RCBTB1: variants seen among roughly 807,000 people sequenced by gnomAD.
RCBTB1 encodes the protein RCC1 and BTB domain containing protein 1.
In RCBTB1, 46 loss-of-function variants were observed where a neutral mutation model predicts 62.4. That is an observed-to-expected ratio of 0.74 (90% CI 0.58 to 0.94). RCBTB1 has a LOEUF of 0.94. Ranked by LOEUF, RCBTB1 falls within the 40% of genes least tolerant of loss-of-function variation. The pLI, the probability that RCBTB1 is intolerant of heterozygous loss-of-function variation, is 0.00. For synonymous variants in RCBTB1, 222 were observed against 245.8 expected, an observed-to-expected ratio of 0.90 and a Z score of 0.91; for missense variants, 565 against 654.9, an observed-to-expected ratio of 0.86 and a Z score of 1.50.
intron 5 of RCBTB1, among the ~76,000 whole-genome samples, chr13:49,558,716 A>AAAAAAAAC: frequency 6.6e-6 from 1 of 151,530 alleles, no homozygotes; most frequent in African/African-American, 2.4e-5. Context: ...AAAAAAAAAA[A>AAAAAAAAC]ATTCACAAAG....
intron 10 of RCBTB1, among the ~76,000 whole-genome samples, chr13:49,543,353 T>C (rs573307461): frequency 1.1e-4 from 16 of 152,150 alleles, no homozygotes; most frequent in Non-Finnish European, 4.4e-5. Flanking sequence ...AAGAAATAGT[T>C]GTCTAAGAAA....
intron 9 of RCBTB1, among the ~76,000 whole-genome samples, chr13:49,545,724 G>C (rs1453963999): frequency 6.6e-6 from 1 of 152,114 alleles, no homozygotes; most frequent in Non-Finnish European, 1.5e-5. Flanking sequence ...ATGGATACAC[G>C]AAGCAGGTTT....
chr13:49,549,005 T>C lies in RCBTB1; in HGVS notation c.1045+453A>G, dbSNP rs1313678573. ...AAAATTAGCTGGGTGTGGTGGCTGG[T>C]GCCTGTAGTCTTACTACTTGGGAGG... is the stretch of plus-strand genomic sequence containing the variant. On this transcript the variant is annotated intron_variant, in intron 9 of 12. Transcript: ENST00000378302. 1.3e-3 allele frequency among the ~76,000 whole-genome samples: 170 copies of C among 134,336 alleles called. 47 individuals are homozygous for C. The highest frequency in any genetic ancestry group is 5.5e-3 in the African/African-American group (166 of 30,280). The allele number at this position is 134,336 out of a possible 152,430, so 88.1% of individuals were successfully genotyped here.
At chr13:49,579,309 T>C (rs114182719) in intron 2 of RCBTB1, among the ~76,000 whole-genome samples, 3,302 of 152,302 alleles carry the variant, frequency 0.022, 103 homozygotes, top group African/African-American at 0.074. Flanking sequence ...GTCTCTCTTC[T>C]GCAAACACAC....
chr13:49,558,251 G>A (rs1324492298), intron 5 of RCBTB1, among the ~76,000 whole-genome samples: 2 of 152,172 alleles, frequency 1.3e-5, no homozygotes, highest in East Asian at 1.9e-4. Flanking sequence ...GTATACATGA[G>A]TGCACCCTGT....
intron 5 of RCBTB1, among the ~76,000 whole-genome samples, chr13:49,558,489 C>T (rs1962131164): frequency 6.6e-6 from 1 of 151,846 alleles, no homozygotes; most frequent in South Asian, 2.1e-4. Context: ...GTCAGGAGTT[C>T]GAGACCAGCC....
chr13:49,552,937 A>C (rs1022478452), intron 6 of RCBTB1, among the ~76,000 whole-genome samples: 2 of 152,166 alleles, frequency 1.3e-5, no homozygotes, highest in African/African-American at 4.8e-5. Flanking sequence ...TAATCCCAGC[A>C]CTTTGGAAGG....
chr13:49,544,805 T>G lies in RCBTB1; in HGVS notation c.1104A>C (p.Glu368Asp). 1 of 1,611,732 alleles carries G rather than the reference T, an allele frequency of 6.2e-7. No individual in the cohort carries two copies. The highest frequency in any genetic ancestry group is 2.2e-5 in the East Asian group (1 of 44,748). ...CAATTCGAAACTTCAGATCAGCAGT[T>G]TCTGGACTATCAAATTCTTTCTTCA... is the stretch of plus-strand genomic sequence containing the variant. ...ESLKKEFDSPETADLKFRIDG... is the reference protein window; with the variant it reads ...ESLKKEFDSPDTADLKFRIDG... The change falls in exon 10 of 13, where the codon GAA becomes GAC. Residue 368 changes from glutamate (E) to aspartate (D), a missense_variant. Transcript: ENST00000378302.
At position 49,559,981 on chromosome 13, in the gene RCBTB1, G is replaced by T; in HGVS notation, c.381C>A (p.Ile127=). The T allele has an allele frequency of 6.2e-7, 1 of 1,614,146 alleles. No individual in the cohort carries two copies. Among genetic ancestry groups the T allele is most frequent in the African/African-American group, 1.3e-5 (1 of 75,046 alleles). The stretch of plus-strand genomic sequence containing the variant: ...CACAAGCTACTTCCACCACTTGCTT[G>T]ATCAAGAGATTGGTACAGACCTGGA... The part of the protein sequence containing the change: ...APVQVCTNLL[I]KQVVEVACGS... The change falls in exon 5 of 13, where the codon ATC becomes ATA. Residue 127 remains isoleucine, a synonymous_variant. Transcript: ENST00000378302.
intron 5 of RCBTB1, among the ~76,000 whole-genome samples, chr13:49,559,696 G>A (rs1181711930): frequency 6.6e-6 from 1 of 151,674 alleles, no homozygotes; most frequent in Non-Finnish European, 1.5e-5. Flanking sequence ...AGGGGCTGGG[G>A]GAGGACAGAA....
At chr13:49,555,899 G>A (rs1961820423) in intron 5 of RCBTB1, among the ~76,000 whole-genome samples, 2 of 152,140 alleles carry the variant, frequency 1.3e-5, no homozygotes, top group Non-Finnish European at 2.9e-5. Flanking sequence ...TTTATACATG[G>A]AAACTGAAAC....
At chr13:49,538,250 T>C (rs1337234498) in intron 12 of RCBTB1, among the ~76,000 whole-genome samples, 1 of 152,132 alleles carries the variant, frequency 6.6e-6, no homozygotes, top group East Asian at 1.9e-4. Flanking sequence ...CACTTCAGCA[T>C]CCTGAGTAGC....
At chr13:49,579,532 G>A (rs1290661593) in intron 2 of RCBTB1, among the ~76,000 whole-genome samples, 2 of 152,078 alleles carry the variant, frequency 1.3e-5, no homozygotes, top group Admixed American at 6.5e-5. Context: ...GCTGAGGCAG[G>A]AGAATGGCGT....
At chr13:49,574,098 A>G (rs1224106272) in intron 2 of RCBTB1, among the ~76,000 whole-genome samples, 1 of 148,206 alleles carries the variant, frequency 6.7e-6, no homozygotes, top group Non-Finnish European at 1.5e-5. Flanking sequence ...TTGTATTTTT[A>G]AAATATAGTC....
intron 9 of RCBTB1, among the ~76,000 whole-genome samples, chr13:49,546,617 A>T (rs1316111005): frequency 6.6e-6 from 1 of 152,248 alleles, no homozygotes; most frequent in Non-Finnish European, 1.5e-5. Context: ...GGACGGCCCC[A>T]TCTGGGGGTG....
chr13:49,556,006 G>A (rs1961828491), intron 5 of RCBTB1, among the ~76,000 whole-genome samples: 1 of 152,088 alleles, frequency 6.6e-6, no homozygotes, highest in Non-Finnish European at 1.5e-5. Context: ...TGACCACCAT[G>A]CTACATTCCC....
At chr13:49,560,155 C>T (rs1962321253) in intron 4 of RCBTB1, 71 bp from the exon 5 acceptor site, 1 of 1,511,584 alleles carries the variant, frequency 6.6e-7, no homozygotes, top group African/African-American at 1.4e-5. Context: ...TTCCCCAGAA[C>T]TTCGTACAGC....
intron 5 of RCBTB1, among the ~76,000 whole-genome samples, chr13:49,559,654 T>G (rs1158111811): frequency 4.7e-5 from 1 of 21,314 alleles, no homozygotes; most frequent in African/African-American, 2.2e-4. Context: ...AGACTCCATC[T>G]CAAAAAAAAA....
intron 1 of RCBTB1, among the ~76,000 whole-genome samples, chr13:49,581,774 T>C (rs955329778): frequency 1.3e-5 from 2 of 152,150 alleles, no homozygotes; most frequent in African/African-American, 2.4e-5. Flanking sequence ...GCAAGAGGCA[T>C]GCTAGTGTCG....
Sources: gnomAD v4.1 joint callset for allele counts (sites outside exome capture counted in the v4.1 genomes callset) on GRCh38, gnomAD v4.1.1 for gene constraint, MANE v1.5 for transcripts, NCBI Gene and HGNC (gene_info 2026-07-23, HGNC 2026-07-21) for gene names.